ANK3: variants seen among roughly 807,000 people sequenced by gnomAD.
ANK3 encodes the protein ankyrin-3.
Under a neutral mutation model 370.9 loss-of-function variants are expected in ANK3, and 57 were observed. That is an observed-to-expected ratio of 0.15 (90% CI 0.12 to 0.19). The LOEUF (loss-of-function observed/expected upper bound fraction) is 0.19, where lower values mean the gene tolerates loss of function less well. Ranked by LOEUF, ANK3 falls within the 10% of genes least tolerant of loss-of-function variation. ANK3 has a pLI of 1.00. For synonymous variants in ANK3, 1,929 were observed against 1,946.3 expected, an observed-to-expected ratio of 0.99 and a Z score of 0.23; for missense variants, 4,439 against 5,302.1, an observed-to-expected ratio of 0.84 and a Z score of 5.06.
intron 2 of ANK3, among the ~76,000 whole-genome samples, chr10:60,411,938 CT>C (rs2063568566): frequency 6.6e-6 from 1 of 152,044 alleles, no homozygotes; most frequent in Non-Finnish European, 1.5e-5. Context: ...TGCATACTGC[CT>C]AGTTCTAATG....
chr10:60,297,673 T>C (rs1235945163), intron 1 of ANK3, among the ~76,000 whole-genome samples: 3 of 152,154 alleles, frequency 2.0e-5, no homozygotes, highest in Non-Finnish European at 4.4e-5. Flanking sequence ...TCTCATTATA[T>C]TGTAAATTCT....
chr10:60,728,639 C>A (rs1452332512), intron 1 of ANK3, among the ~76,000 whole-genome samples: 4 of 152,138 alleles, frequency 2.6e-5, no homozygotes, highest in African/African-American at 9.7e-5. Flanking sequence ...TTCCAACCCT[C>A]TCCTTCGTCT....
chr10:60,639,246 T>G (rs2078596393), intron 1 of ANK3, among the ~76,000 whole-genome samples: 1 of 151,470 alleles, frequency 6.6e-6, no homozygotes, highest in Non-Finnish European at 1.5e-5. Flanking sequence ...AAGAAGAGAA[T>G]TATATAGAAT....
chr10:60,258,220 A>G (rs755711308), intron 7 of ANK3, among the ~76,000 whole-genome samples: 9 of 152,246 alleles, frequency 5.9e-5, no homozygotes, highest in Admixed American at 1.3e-4. Context: ...TGTCAGTGCC[A>G]TCTCAGCAGA....
intron 4 of ANK3, among the ~76,000 whole-genome samples, chr10:60,276,364 T>A (rs1238290107): frequency 2.0e-5 from 3 of 152,204 alleles, no homozygotes; most frequent in Non-Finnish European, 4.4e-5. Flanking sequence ...ACATCATTGT[T>A]TGTTACTCTT....
At chr10:60,698,758 G>C (rs1362050630) in intron 1 of ANK3, among the ~76,000 whole-genome samples, 3 of 103,742 alleles carry the variant, frequency 2.9e-5, no homozygotes, top group African/African-American at 1.1e-4. Flanking sequence ...GTTGTGGGGT[G>C]GGGGGAGGGG....
intron 2 of ANK3, among the ~76,000 whole-genome samples, chr10:60,394,906 TA>T (rs973070345): frequency 2.6e-5 from 4 of 152,032 alleles, no homozygotes. Flanking sequence ...TTTGCAAATT[TA>T]AAAAAATATA....
At chr10:60,302,462 C>T (rs1166390316) in intron 1 of ANK3, among the ~76,000 whole-genome samples, 1 of 152,082 alleles carries the variant, frequency 6.6e-6, no homozygotes, top group African/African-American at 2.4e-5. Flanking sequence ...TAACATTTAT[C>T]AAACATGCAA....
intron 16 of ANK3, among the ~76,000 whole-genome samples, chr10:60,191,080 TAACTC>T (rs2096468974): frequency 1.3e-5 from 2 of 152,020 alleles, no homozygotes; most frequent in South Asian, 4.1e-4. Context: ...ATACAAAAAT[TAACTC>T]AAGATAGATT....
In ANK3 at chr10:60,184,115, T is replaced by C. The variant is rs191475208; in HGVS notation, c.2085+2600A>G. 4.6e-5 allele frequency among the ~76,000 whole-genome samples: 7 copies of C among 152,238 alleles called. No individual in the cohort carries two copies. The East Asian group carries it at 1.3e-3, about 29-fold the overall frequency. ...TGGTTACTAGTAAGAAAAAAGAAAG[T>C]AAAAACAATAAAGTGTTTAGTTCAA... On this transcript the variant is annotated intron_variant, in intron 17 of 43. Transcript: ENST00000280772.
At chr10:60,514,661 C>T (rs1192131892) in intron 2 of ANK3, among the ~76,000 whole-genome samples, 1 of 152,056 alleles carries the variant, frequency 6.6e-6, no homozygotes, top group East Asian at 1.9e-4. Context: ...CTATATATAT[C>T]CCTATCCCTC....
At chr10:60,152,685 C>T (rs1033243798) in intron 23 of ANK3, among the ~76,000 whole-genome samples, 1 of 152,022 alleles carries the variant, frequency 6.6e-6, no homozygotes, top group Non-Finnish European at 1.5e-5. Context: ...TTACAAAATA[C>T]GGCAACCACA....
At chr10:60,691,538 C>T (rs2079352993) in intron 1 of ANK3, among the ~76,000 whole-genome samples, 1 of 152,178 alleles carries the variant, frequency 6.6e-6, no homozygotes, top group Non-Finnish European at 1.5e-5. Context: ...CTTACTTAAA[C>T]TAACGGCATG....
intron 25 of ANK3, among the ~76,000 whole-genome samples, chr10:60,133,640 A>T (rs2094201230): frequency 6.6e-6 from 1 of 152,166 alleles, no homozygotes; most frequent in Non-Finnish European, 1.5e-5. Context: ...TACAACATTC[A>T]GGCTGGGTGC....
intron 27 of ANK3, chr10:60,108,191 A>G (rs2092389172): frequency 2.2e-6 from 1 of 448,494 alleles, no homozygotes; most frequent in Non-Finnish European, 4.5e-6. Flanking sequence ...GTCCTACCCA[A>G]TAAATTTTGT....
intron 1 of ANK3, among the ~76,000 whole-genome samples, chr10:60,345,549 G>GC (rs752988957): frequency 1.3e-5 from 2 of 152,160 alleles, no homozygotes; most frequent in South Asian, 4.2e-4. Flanking sequence ...ACACAAAATG[G>GC]CTGAATTATA....
intron 2 of ANK3, among the ~76,000 whole-genome samples, chr10:60,395,550 C>CTCTTTCTTTCTTTCTTTCTT (rs58204421): frequency 2.3e-4 from 25 of 108,420 alleles, no homozygotes; most frequent in African/African-American, 4.1e-4. Context: ...ACTACTATGC[C>CTCTTTCTTTCTTTCTTTCTT]TCTTTCTTTC....
chr10:60,683,873 C>T (rs2079229719), intron 1 of ANK3, among the ~76,000 whole-genome samples: 1 of 152,010 alleles, frequency 6.6e-6, no homozygotes, highest in Non-Finnish European at 1.5e-5. Flanking sequence ...GCAGGAAGAA[C>T]AGAAGGATGG....
chr10:60,298,711 G>A (rs547123908), intron 1 of ANK3, among the ~76,000 whole-genome samples: 38 of 152,136 alleles, frequency 2.5e-4, no homozygotes, highest in Non-Finnish European at 5.0e-4. Flanking sequence ...ATTCTGACAG[G>A]AGGCAGAAAC....
Sources: gnomAD v4.1 joint callset for allele counts (sites outside exome capture counted in the v4.1 genomes callset) on GRCh38, gnomAD v4.1.1 for gene constraint, MANE v1.5 for transcripts, NCBI Gene and HGNC (gene_info 2026-07-23, HGNC 2026-07-21) for gene names.